PCDH15: variants seen among roughly 807,000 people sequenced by gnomAD.
The protein encoded by PCDH15 is protocadherin related 15.
A neutral mutation model predicts 178.5 loss-of-function variants in PCDH15; 129 were observed. That is an observed-to-expected ratio of 0.72 (90% confidence interval 0.63 to 0.84). The LOEUF (loss-of-function observed/expected upper bound fraction) is 0.84. Among genes scored for constraint, PCDH15 ranks in the 40% least tolerant of loss-of-function variants. PCDH15 has a pLI of 0.00. For synonymous variants in PCDH15, 800 were observed against 732.0 expected, an observed-to-expected ratio of 1.09 and a Z score of -1.50; for missense variants, 2,230 against 2,099.9, an observed-to-expected ratio of 1.06 and a Z score of -1.21.
intron 2 of PCDH15, among the ~76,000 whole-genome samples, chr10:54,550,055 A>C (rs1460251481): frequency 6.6e-6 from 1 of 152,100 alleles, no homozygotes; most frequent in Non-Finnish European, 1.5e-5. Context: ...GACCACAAGC[A>C]ATTTACAGAC....
chr10:55,226,548 A>G (rs1315500741), intron 1 of PCDH15, among the ~76,000 whole-genome samples: 2 of 151,638 alleles, frequency 1.3e-5, no homozygotes, highest in East Asian at 3.9e-4. Context: ...CAGTCGGCTA[A>G]TTTTTAGATT....
At chr10:55,106,424 T>C (rs562677898) in intron 2 of PCDH15, among the ~76,000 whole-genome samples, 3 of 152,334 alleles carry the variant, frequency 2.0e-5, no homozygotes, top group South Asian at 4.1e-4. Context: ...TTATTATTAC[T>C]ATTTTTGAGA....
At position 55,219,880 on chromosome 10, in the gene PCDH15, T is replaced by TCACACACACACA. The variant is rs71461286; in HGVS notation, c.-155-53241_-155-53230dup. 3.7e-4 allele frequency among the ~76,000 whole-genome samples: 54 copies of TCACACACACACA among 144,140 alleles called. 1 individual carries two copies. Among genetic ancestry groups the TCACACACACACA allele is most frequent in the African/African-American group, 1.3e-3 (49 of 38,990 alleles). The allele number at this position is 144,140 out of a possible 152,430, so 94.6% of individuals were successfully genotyped here. Reference sequence around the variant, plus strand: ...TTAGGCCTAGCGATCCTGATATCAGTCACACACACACACACACACACACAC... The same window carrying TCACACACACACA: ...TTAGGCCTAGCGATCCTGATATCAGTCACACACACACACACACACACACACACACACACACAC... On this transcript the variant is annotated intron_variant, in intron 1 of 5. Transcript: ENST00000458638.
At chr10:53,839,371 T>C (rs867199475) in intron 29 of PCDH15, among the ~76,000 whole-genome samples, 16 of 152,010 alleles carry the variant, frequency 1.1e-4, no homozygotes, top group Admixed American at 2.6e-4. Flanking sequence ...ATTTATTAAT[T>C]TGAATAAAAA....
At chr10:54,802,058 A>G (rs145337489), upstream of PCDH15, among the ~76,000 whole-genome samples, 21 of 152,324 alleles carry the variant, frequency 1.4e-4, no homozygotes, top group East Asian at 4.1e-3. Context: ...CAATTTAGGA[A>G]CATATTTTAG....
intron 26 of PCDH15, among the ~76,000 whole-genome samples, chr10:53,895,149 C>A (rs1414139130): frequency 6.6e-6 from 1 of 151,850 alleles, no homozygotes; most frequent in Non-Finnish European, 1.5e-5. Context: ...AGACCAGGAG[C>A]CCCCAGGAGC....
chr10:53,967,263 C>T (rs185210754), intron 21 of PCDH15, among the ~76,000 whole-genome samples: 6 of 152,170 alleles, frequency 3.9e-5, no homozygotes, highest in Admixed American at 1.3e-4. Context: ...TGTTTGCTTC[C>T]GCTTCCACCA....
intron 21 of PCDH15, among the ~76,000 whole-genome samples, chr10:53,987,023 G>A (rs2091150871): frequency 6.6e-6 from 1 of 152,012 alleles, no homozygotes; most frequent in Non-Finnish European, 1.5e-5. Context: ...AAATTTTATT[G>A]AGCTGATAAA....
intron 15 of PCDH15, among the ~76,000 whole-genome samples, chr10:54,105,034 A>G (rs1372367617): frequency 6.6e-6 from 1 of 151,578 alleles, no homozygotes; most frequent in Non-Finnish European, 1.5e-5. Flanking sequence ...ATAACTGTCT[A>G]AATAATTCAG....
Position 54,837,785 on chromosome 10 carries a change from C to A in PCDH15, c.-29+59665G>T, listed in dbSNP as rs184444701. Among the ~76,000 whole-genome samples the A allele has an allele frequency of 1.7e-4, 26 of 152,106 alleles. No homozygotes were observed. In the East Asian group the frequency reaches 4.8e-3, roughly 28 times the overall value. On this transcript the variant is annotated intron_variant, in intron 3 of 5. Transcript: ENST00000458638. ...GCTTTGGAATCGAGATACAAGGCTG[C>A]AAAACTTTGGTGATATACAAAATAG...
intron 3 of PCDH15, among the ~76,000 whole-genome samples, chr10:54,894,057 C>G (rs1451175731): frequency 6.6e-6 from 1 of 152,030 alleles, no homozygotes; most frequent in Non-Finnish European, 1.5e-5. Context: ...GAAACTTTTG[C>G]TAAGCAGGTA....
At chr10:54,068,486 A>C (rs1345679957) in intron 17 of PCDH15, among the ~76,000 whole-genome samples, 1 of 152,198 alleles carries the variant, frequency 6.6e-6, no homozygotes, top group African/African-American at 2.4e-5. Flanking sequence ...ATGGTTATAC[A>C]GGATTGTGTT....
chr10:55,048,385 C>T (rs1591858304), intron 2 of PCDH15, among the ~76,000 whole-genome samples: 1 of 150,836 alleles, frequency 6.6e-6, no homozygotes. Flanking sequence ...ATAGAAAAAA[C>T]TATCCAAGGC....
At chr10:54,073,701 A>C (rs756473008) in intron 17 of PCDH15, among the ~76,000 whole-genome samples, 2 of 152,208 alleles carry the variant, frequency 1.3e-5, no homozygotes, top group Non-Finnish European at 2.9e-5. Context: ...TGATGGAATC[A>C]AGTTACCTAT....
At chr10:54,859,142 C>T (rs1045154069) in intron 3 of PCDH15, among the ~76,000 whole-genome samples, 2 of 152,020 alleles carry the variant, frequency 1.3e-5, no homozygotes, top group Admixed American at 6.6e-5. Context: ...TTTTATGGCT[C>T]TCCCTTGCCT....
chr10:54,532,210 A>G (rs2132750509), intron 2 of PCDH15, among the ~76,000 whole-genome samples: 1 of 152,310 alleles, frequency 6.6e-6, no homozygotes, highest in East Asian at 1.9e-4. Context: ...TTATTTTTAA[A>G]AGAATTTACC....
intron 2 of PCDH15, among the ~76,000 whole-genome samples, chr10:55,045,439 G>A (rs928968506): frequency 8.6e-5 from 13 of 152,032 alleles, no homozygotes; most frequent in Admixed American, 3.3e-4. Context: ...ATAATAAAGC[G>A]TGAAAAATAT....
intron 2 of PCDH15, among the ~76,000 whole-genome samples, chr10:55,064,761 T>C (rs751667573): frequency 6.6e-6 from 1 of 152,072 alleles, no homozygotes; most frequent in Non-Finnish European, 1.5e-5. Context: ...TAAAGCTTTG[T>C]GATAATTTTG....
In PCDH15 at chr10:53,821,081, T is replaced by C. The variant is rs1337563559; in HGVS notation, c.4368-851A>G. The C allele has an allele frequency of 1.2e-5, 12 of 970,502 alleles. No individual in the cohort carries two copies. In the East Asian group the frequency reaches 1.4e-3, roughly 111 times the overall value. 60.1% of individuals were successfully genotyped at this position (970,502 alleles called of 1,614,324 possible). A position where few individuals can be genotyped will look rare whatever the true frequency, so the allele number is the denominator to read the frequency against. Reference sequence around the variant, plus strand: ...ACTTTTTAAGCATCTGTTGGAACAATGAAATGCCTTACAAAAGTCAACGAC... The same window carrying C: ...ACTTTTTAAGCATCTGTTGGAACAACGAAATGCCTTACAAAAGTCAACGAC... On this transcript the variant is annotated intron_variant, in intron 32 of 37. Transcript: ENST00000644397.
Sources: allele counts gnomAD v4.1 joint callset (sites outside exome capture counted in the v4.1 genomes callset), GRCh38; gene constraint gnomAD v4.1.1; transcripts MANE v1.5; gene names NCBI Gene and HGNC (gene_info 2026-07-23, HGNC 2026-07-21).